Variants in SMCHD1 observed in about 807,000 individuals in gnomAD.
SMCHD1 encodes the protein structural maintenance of chromosomes flexible hinge domain containing 1.
Under a neutral mutation model 254.7 loss-of-function variants are expected in SMCHD1, and 78 were observed. That is an observed-to-expected ratio of 0.31 (90% CI 0.26 to 0.37). The LOEUF is 0.37. SMCHD1 is among the 10% of genes least tolerant of loss of function. The pLI is 1.00. For missense variants in SMCHD1, 1,840 were observed against 2,408.1 expected (o/e 0.76, Z 4.94); for synonymous variants, 766 against 794.9 (o/e 0.96, Z 0.61).
chr18:2,673,380 G>C lies in SMCHD1; in HGVS notation c.507+17G>C, dbSNP rs771404268. 7.0e-7 allele frequency: 1 copy of C among 1,420,508 alleles called. No individual in the cohort carries two copies. The highest frequency in any genetic ancestry group is 9.4e-7 in the Non-Finnish European group (1 of 1,064,714). The allele number at this position is 1,420,508 out of a possible 1,614,324, so 88.0% of individuals were successfully genotyped here. A position where few individuals can be genotyped will look rare whatever the true frequency, so the allele number is the denominator to read the frequency against. ...ATCAAATTGGTAAGGAAATAATACT[G>C]TAAAGCAATTTAACTTTTCCTTTTG... On this transcript the variant is annotated intron_variant, in intron 4 of 47. Transcript: ENST00000320876.
intron 47 of SMCHD1, among the ~76,000 whole-genome samples, chr18:2,801,878 G>C (rs1166292687): frequency 6.6e-6 from 1 of 152,032 alleles, no homozygotes; most frequent in Non-Finnish European, 1.5e-5. Flanking sequence ...GAATTCATTA[G>C]ATATGCTTAG....
At position 2,658,881 on chromosome 18, in the gene SMCHD1, CAT is replaced by C. The variant is rs968763593; in HGVS notation, c.186+2626_186+2627del. Among the ~76,000 whole-genome samples the C allele has an allele frequency of 1.0e-4, 15 of 149,084 alleles. No homozygotes were observed. In the East Asian group the frequency reaches 2.9e-3, roughly 29 times the overall value. ...ATACATATATATACACACATACACA[CAT>C]ATATACACATATATACGTGTATACG... is the stretch of plus-strand genomic sequence containing the variant. On this transcript the variant is annotated intron_variant, in intron 1 of 47. Coordinates refer to ENST00000320876, the MANE Select transcript of SMCHD1 (RefSeq NM_015295.3).
At chr18:2,768,483 A>G (rs1309274010) in intron 37 of SMCHD1, among the ~76,000 whole-genome samples, 1 of 152,060 alleles carries the variant, frequency 6.6e-6, no homozygotes, top group Non-Finnish European at 1.5e-5. Flanking sequence ...ACTTCTCATT[A>G]TTCATCCCAG....
At chr18:2,716,714 C>T (rs1304678647) in intron 17 of SMCHD1, among the ~76,000 whole-genome samples, 1 of 152,174 alleles carries the variant, frequency 6.6e-6, no homozygotes, top group Non-Finnish European at 1.5e-5. Context: ...AAAGTGGGGT[C>T]GCTAGGGCTC....
At position 2,705,587 on chromosome 18, in the gene SMCHD1, G is replaced by T. The variant is rs527333545; in HGVS notation, c.1843-107G>T. 6.3e-5 allele frequency: 29 copies of T among 460,902 alleles called. No individual in the cohort carries two copies. The South Asian group carries it at 1.4e-3, about 21-fold the overall frequency. The allele number at this position is 460,902 out of a possible 1,614,324, so 28.6% of individuals were successfully genotyped here. A position where few individuals can be genotyped will look rare whatever the true frequency, so the allele number is the denominator to read the frequency against. The stretch of plus-strand genomic sequence containing the variant: ...AGTTTTTCTAATGATAGTTACCAAG[G>T]TTTTTTTCTTTGTAATAAAGAAGTT... On this transcript the variant is annotated intron_variant, in intron 13 of 47. Transcript: ENST00000320876.
At chr18:2,782,655 T>C (rs1376865498) in intron 44 of SMCHD1, among the ~76,000 whole-genome samples, 1 of 137,418 alleles carries the variant, frequency 7.3e-6, no homozygotes, top group Non-Finnish European at 1.5e-5. Context: ...TCAGTTGGGA[T>C]AATTGTTTGA....
At chr18:2,711,497 T>TC (rs1256052576) in intron 17 of SMCHD1, among the ~76,000 whole-genome samples, 1 of 148,058 alleles carries the variant, frequency 6.8e-6, no homozygotes, top group Non-Finnish European at 1.5e-5. Context: ...TTTTTTTTTT[T>TC]TTTGAGACGG....
At chr18:2,766,323 C>A (rs1329195752) in intron 37 of SMCHD1, among the ~76,000 whole-genome samples, 2 of 152,176 alleles carry the variant, frequency 1.3e-5, no homozygotes, top group Non-Finnish European at 1.5e-5. Context: ...CCCTTATGGT[C>A]ATTTGAAATT....
chr18:2,662,666 C>CAAAAAAA (rs2073321596), intron 1 of SMCHD1, among the ~76,000 whole-genome samples: 2 of 29,452 alleles, frequency 6.8e-5, no homozygotes, highest in Admixed American at 3.3e-4. Context: ...CAACAAAAAA[C>CAAAAAAA]CAAAAAAAAA....
At chr18:2,670,143 T>C (rs538290898) in intron 3 of SMCHD1, among the ~76,000 whole-genome samples, 21 of 152,176 alleles carry the variant, frequency 1.4e-4, no homozygotes, top group South Asian at 4.2e-4. Flanking sequence ...TCACTAAGAG[T>C]AAACACCAAA....
At chr18:2,691,883 G>A (rs2074188124) in intron 7 of SMCHD1, 1 of 152,206 alleles carries the variant, frequency 6.6e-6, no homozygotes, top group Non-Finnish European at 1.5e-5. Context: ...CTCCAAAACT[G>A]GAAAACAGAG....
intron 34 of SMCHD1, among the ~76,000 whole-genome samples, chr18:2,754,648 A>T (rs1020365705): frequency 6.6e-5 from 10 of 152,170 alleles, no homozygotes; most frequent in Non-Finnish European, 1.3e-4. Flanking sequence ...AGCATAAACC[A>T]TATTAGTGCA....
rs1447458811 is a variant in SMCHD1, at chr18:2,750,184, C to T, written c.4007+62C>T. Reference sequence around the variant, plus strand: ...GAGATTCGTTTTTCTTACTGCTTGCCGAAGTTACAGCTAATGACTATCCTT... The same window carrying T: ...GAGATTCGTTTTTCTTACTGCTTGCTGAAGTTACAGCTAATGACTATCCTT... On this transcript the variant is annotated intron_variant, in intron 31 of 47. Coordinates refer to ENST00000320876, the MANE Select transcript of SMCHD1 (RefSeq NM_015295.3). 5.6e-5 allele frequency: 83 copies of T among 1,486,206 alleles called. 2 individuals are homozygous for T. In the South Asian group the frequency reaches 8.9e-4, roughly 16 times the overall value. The allele number at this position is 1,486,206 out of a possible 1,614,324, so 92.1% of individuals were successfully genotyped here. A position where few individuals can be genotyped will look rare whatever the true frequency, so the allele number is the denominator to read the frequency against.
intron 34 of SMCHD1, among the ~76,000 whole-genome samples, chr18:2,753,549 G>A (rs1049480464): frequency 6.6e-6 from 1 of 152,104 alleles, no homozygotes; most frequent in Non-Finnish European, 1.5e-5. Context: ...AACTTGAGTA[G>A]CTTGAGGGTT....
intron 10 of SMCHD1, among the ~76,000 whole-genome samples, chr18:2,699,721 TAAA>T (rs2074359675): frequency 6.6e-6 from 1 of 152,232 alleles, no homozygotes; most frequent in African/African-American, 2.4e-5. Context: ...AATGCTGCCT[TAAA>T]AAGAAGAGCA....
At chr18:2,707,197 T>A (rs537077103) in intron 15 of SMCHD1, among the ~76,000 whole-genome samples, 1 of 152,188 alleles carries the variant, frequency 6.6e-6, no homozygotes, top group Admixed American at 6.5e-5. Flanking sequence ...AAAGTGGCTT[T>A]TCTTCTTGTA....
intron 34 of SMCHD1, among the ~76,000 whole-genome samples, chr18:2,756,867 T>G (rs1381530715): frequency 2.0e-5 from 3 of 152,234 alleles, no homozygotes; most frequent in African/African-American, 7.2e-5. Context: ...TCTGTTTATT[T>G]TCTGTAAGAT....
At chr18:2,738,747 T>C (rs1370356548) in intron 26 of SMCHD1, among the ~76,000 whole-genome samples, 2 of 152,222 alleles carry the variant, frequency 1.3e-5, no homozygotes, top group African/African-American at 4.8e-5. Context: ...TTCTAGTAGC[T>C]GGAACCTTCA....
chr18:2,751,987 A>G (rs139474733), intron 33 of SMCHD1, among the ~76,000 whole-genome samples: 3 of 152,264 alleles, frequency 2.0e-5, no homozygotes, highest in African/African-American at 2.4e-5. Flanking sequence ...TTTACACTGT[A>G]TATCAGTTCA....
Sources: gnomAD v4.1 joint callset for allele counts (sites outside exome capture counted in the v4.1 genomes callset) on GRCh38, gnomAD v4.1.1 for gene constraint, MANE v1.5 for transcripts, NCBI Gene and HGNC (gene_info 2026-07-23, HGNC 2026-07-21) for gene names.